The following UIMC1 variants were observed in gnomAD, a reference collection of about 807,000 sequenced individuals.
UIMC1 encodes the protein BRCA1-A complex subunit RAP80.
In UIMC1, 42 loss-of-function variants were observed where a neutral mutation model predicts 84.9. That is an observed-to-expected ratio of 0.49 (90% CI 0.39 to 0.64). UIMC1 has a LOEUF of 0.64. Among genes scored for constraint, UIMC1 ranks in the 30% least tolerant of loss-of-function variants. The pLI, the probability that UIMC1 is intolerant of heterozygous loss-of-function variation, is 0.00. For synonymous variants in UIMC1, 281 were observed against 293.0 expected (o/e 0.96, Z 0.42); for missense variants, 825 against 847.6 (o/e 0.97, Z 0.33).
chr5:176,993,748 C>G (rs1561907116), intron 1 of UIMC1, among the ~76,000 whole-genome samples: 1 of 152,090 alleles, frequency 6.6e-6, no homozygotes, highest in African/African-American at 2.4e-5. Flanking sequence ...TGGCTCACGC[C>G]TGTAATCCCA....
rs1770383668 is a variant in UIMC1 at position 176,977,887 on chromosome 5, G to T, written c.148-2407C>A. ...TATCATGCCATTGCACTCCAGCTTG[G>T]GCAACAGAGCGAGACTCCATCTCAA... On this transcript the variant is annotated intron_variant, in intron 2 of 14. Coordinates refer to ENST00000511320, the MANE Select transcript of UIMC1 (RefSeq NM_001199298.2). Among the ~76,000 whole-genome samples, 4 of 151,410 alleles carry T rather than the reference G, an allele frequency of 2.6e-5. No homozygotes were observed. The South Asian group carries it at 8.3e-4, about 32-fold the overall frequency.
Position 176,970,856 on chromosome 5 carries a change from T to C in UIMC1, c.243A>G (p.Glu81=). ...LAKRKIAQMT[E]EEQFALALKM... is the part of the protein sequence containing the mutation. The stretch of plus-strand genomic sequence containing the variant: ...TGAGAGCCAGAGCAAACTGTTCTTC[T>C]TCTGTCATCTCTGTAAGAGGATAGG... The change falls in exon 4 of 15, where the codon GAA becomes GAG. Residue 81 remains glutamate, a synonymous_variant. Coordinates refer to ENST00000511320, the MANE Select transcript of UIMC1 (RefSeq NM_001199298.2). The C allele has an allele frequency of 6.2e-7, 1 of 1,613,908 alleles. No individual in the cohort carries two copies. The highest frequency in any genetic ancestry group is 2.2e-5 in the East Asian group (1 of 44,876).
At chr5:176,987,968 A>C (rs1312371574) in intron 1 of UIMC1, among the ~76,000 whole-genome samples, 1 of 151,932 alleles carries the variant, frequency 6.6e-6, no homozygotes, top group South Asian at 2.1e-4. Context: ...TATACAAAAA[A>C]TACGAAATGT....
At chr5:176,945,016 A>G (rs1764902770) in intron 9 of UIMC1, among the ~76,000 whole-genome samples, 1 of 152,236 alleles carries the variant, frequency 6.6e-6, no homozygotes, top group African/African-American at 2.4e-5. Flanking sequence ...TGCTGGTCAC[A>G]AAGTTACTAA....
At chr5:177,020,961 A>G (rs1775785787) in intron 1 of UIMC1, among the ~76,000 whole-genome samples, 1 of 152,240 alleles carries the variant, frequency 6.6e-6, no homozygotes, top group Non-Finnish European at 1.5e-5. Context: ...TCTATTTCAA[A>G]GTGCTGGAGA....
At chr5:176,908,463 C>A in intron 12 of UIMC1, 60 bp downstream of exon 12, 1 of 1,537,504 alleles carries the variant, frequency 6.5e-7, no homozygotes, top group Admixed American at 1.8e-5. Context: ...AGAACTGTGG[C>A]CTCTTACAAC....
At chr5:176,999,303 A>G (rs963909408) in intron 1 of UIMC1, among the ~76,000 whole-genome samples, 2 of 152,212 alleles carry the variant, frequency 1.3e-5, no homozygotes, top group Non-Finnish European at 2.9e-5. Flanking sequence ...ATAGGTGCAT[A>G]TATTTATGGG....
intron 1 of UIMC1, among the ~76,000 whole-genome samples, chr5:176,996,670 A>G (rs1773657277): frequency 6.6e-6 from 1 of 152,046 alleles, no homozygotes; most frequent in African/African-American, 2.4e-5. Context: ...TCAGTACCCT[A>G]CTCCTCAGTT....
At chr5:176,951,739 C>G (rs1356201853) in intron 8 of UIMC1, among the ~76,000 whole-genome samples, 162 bp from the exon 9 acceptor site, 1 of 152,106 alleles carries the variant, frequency 6.6e-6, no homozygotes. Context: ...TTTACTGAGG[C>G]ATAATTTACA....
chr5:176,984,526 C>T (rs1771656180), intron 1 of UIMC1, among the ~76,000 whole-genome samples: 2 of 151,388 alleles, frequency 1.3e-5, no homozygotes, highest in Admixed American at 6.6e-5. Flanking sequence ...GCCTGGCCGC[C>T]CCATCTAGGA....
chr5:176,914,039 C>CACCAT (rs79787456), intron 10 of UIMC1, among the ~76,000 whole-genome samples: 97,199 of 139,556 alleles, frequency 0.7, 33,329 homozygotes, highest in Admixed American at 0.81. Context: ...CCATACCATA[C>CACCAT]ACCATACCAT....
At chr5:177,004,031 C>T (rs1339848361) in intron 1 of UIMC1, among the ~76,000 whole-genome samples, 3 of 152,136 alleles carry the variant, frequency 2.0e-5, no homozygotes, top group Admixed American at 1.3e-4. Context: ...GGTTTCACCA[C>T]GTTATCCAAG....
rs575562728 is a variant in UIMC1, at chr5:177,000,694, T to TTC, written c.-9+5954_-9+5955dup. Among the ~76,000 whole-genome samples, 184 of 151,846 alleles carry TTC rather than the reference T, an allele frequency of 1.2e-3. 2 individuals carry two copies. Among genetic ancestry groups the TTC allele is most frequent in the African/African-American group, 4.4e-3 (180 of 41,340 alleles). ...TTTGCATTTTCAGTAGAGATGGGGT[T>TTC]TCTCTATGTTGGTCAGGCTGGTCTC... On this transcript the variant is annotated intron_variant, in intron 1 of 14. Transcript: ENST00000511320.
At chr5:176,907,362 T>A (rs1759524777) in intron 12 of UIMC1, 185 bp from the exon 13 acceptor site, 1 of 569,554 alleles carries the variant, frequency 1.8e-6, no homozygotes, top group Non-Finnish European at 3.1e-6. Flanking sequence ...ATGAAGAGAA[T>A]ACATCGCTAT....
chr5:177,012,211 A>G (rs1032049282), intron 1 of UIMC1, among the ~76,000 whole-genome samples: 1 of 152,190 alleles, frequency 6.6e-6, no homozygotes, highest in Non-Finnish European at 1.5e-5. Context: ...TATGTCCCAC[A>G]TAAAGTTAAA....
At chr5:176,959,455 G>A (rs1170617912) in intron 6 of UIMC1, among the ~76,000 whole-genome samples, 1 of 152,048 alleles carries the variant, frequency 6.6e-6, no homozygotes, top group East Asian at 1.9e-4. Context: ...GGTGGCTCAC[G>A]CCTGTAATCC....
chr5:176,995,004 T>C (rs1282583393), intron 1 of UIMC1, among the ~76,000 whole-genome samples: 2 of 152,096 alleles, frequency 1.3e-5, no homozygotes, highest in Non-Finnish European at 2.9e-5. Flanking sequence ...CTCATTCCTT[T>C]GGGCTCTGGC....
At chr5:176,952,199 T>C (rs1765974961) in intron 8 of UIMC1, among the ~76,000 whole-genome samples, 1 of 152,226 alleles carries the variant, frequency 6.6e-6, no homozygotes, top group African/African-American at 2.4e-5. Context: ...GTATACTGAT[T>C]TGACAGAAAA....
chr5:176,918,459 C>T (rs759749655), intron 10 of UIMC1, among the ~76,000 whole-genome samples: 1 of 152,144 alleles, frequency 6.6e-6, no homozygotes, highest in African/African-American at 2.4e-5. Context: ...AATTTCTGTC[C>T]CCTGCATCTA....
Sources: gnomAD v4.1 joint callset for allele counts (sites outside exome capture counted in the v4.1 genomes callset) on GRCh38, gnomAD v4.1.1 for gene constraint, MANE v1.5 for transcripts, NCBI Gene and HGNC (gene_info 2026-07-23, HGNC 2026-07-21) for gene names.